Variants in GRIA1 observed in about 807,000 individuals in gnomAD.
GRIA1 encodes glutamate ionotropic receptor AMPA type subunit 1, also known as glutamate receptor 1.
Under a neutral mutation model 99.2 loss-of-function variants are expected in GRIA1, and 31 were observed. That is an observed-to-expected ratio of 0.31 (90% CI 0.23 to 0.42). The LOEUF (loss-of-function observed/expected upper bound fraction) is 0.42, where lower values mean the gene tolerates loss of function less well. Among genes scored for constraint, GRIA1 ranks in the 10% least tolerant of loss-of-function variants. The pLI is 1.00. For missense variants in GRIA1, 782 were observed against 1,157.5 expected (o/e 0.68, Z 4.71); for synonymous variants, 438 against 432.4 (o/e 1.01, Z -0.16).
chr5:153,782,355 G>A (rs1354905573), intron 13 of GRIA1, among the ~76,000 whole-genome samples: 2 of 152,198 alleles, frequency 1.3e-5, no homozygotes, highest in African/African-American at 4.8e-5. Context: ...AGCTGACACT[G>A]AGGATCACAG....
intron 5 of GRIA1, among the ~76,000 whole-genome samples, chr5:153,668,476 C>T (rs1345175474): frequency 1.3e-5 from 2 of 152,126 alleles, no homozygotes; most frequent in Non-Finnish European, 2.9e-5. Context: ...AATTACCATG[C>T]CCAAAAATAT....
intron 8 of GRIA1, among the ~76,000 whole-genome samples, chr5:153,697,671 G>T (rs780431352): frequency 4.6e-5 from 7 of 152,172 alleles, no homozygotes; most frequent in Non-Finnish European, 8.8e-5. Flanking sequence ...TCACTGAAGT[G>T]CAGGGTTAGT....
intron 14 of GRIA1, among the ~76,000 whole-genome samples, chr5:153,801,895 G>C (rs763761292): frequency 8.0e-6 from 1 of 125,574 alleles, no homozygotes; most frequent in African/African-American, 2.8e-5. Context: ...AAAAATGCTC[G>C]GGGACATAAA....
At chr5:153,800,875 C>A (rs1765971851) in intron 14 of GRIA1, among the ~76,000 whole-genome samples, 1 of 152,194 alleles carries the variant, frequency 6.6e-6, no homozygotes, top group Non-Finnish European at 1.5e-5. Flanking sequence ...CCACCCCTTG[C>A]ATGGCTCACC....
At position 153,647,097 on chromosome 5, in the gene GRIA1, G is replaced by T; in HGVS notation, c.390G>T (p.Gln130His). Residue 130 changes from glutamine to histidine, a missense_variant, in exon 3 of 16, where the codon CAG (glutamine) becomes CAT (histidine). Transcript: ENST00000285900. Reference protein sequence around the residue: ...QFVLQLRPELQDALISIIDHY... With the variant: ...QFVLQLRPELHDALISIIDHY... Reference sequence around the variant, plus strand: ...TCCTTCAGCTGCGCCCTGAACTGCAGGATGCCCTCATCAGCATCATTGACC... The same window carrying T: ...TCCTTCAGCTGCGCCCTGAACTGCATGATGCCCTCATCAGCATCATTGACC... 1.9e-6 allele frequency: 3 copies of T among 1,613,820 alleles called. No homozygotes were observed. Among genetic ancestry groups the T allele is most frequent in the Non-Finnish European group, 2.5e-6 (3 of 1,179,886 alleles).
chr5:153,594,813 G>A (rs769879176), intron 2 of GRIA1, among the ~76,000 whole-genome samples: 3 of 151,598 alleles, frequency 2.0e-5, no homozygotes, highest in Non-Finnish European at 4.4e-5. Flanking sequence ...CCAGTCTTCT[G>A]CTTGGCTGAA....
At position 153,805,055 on chromosome 5, in the gene GRIA1, G is replaced by A. The variant is rs12652434; in HGVS notation, c.2520+2565G>A. On this transcript the variant is annotated intron_variant, in intron 15 of 15. Coordinates refer to ENST00000285900, the MANE Select transcript of GRIA1 (RefSeq NM_000827.4). ...GCGTGAGCCACCACACCAGGCCTCTGATCCTCATTTTCTATAAAATGGAGG... is the reference window on the plus strand; with the variant it reads ...GCGTGAGCCACCACACCAGGCCTCTAATCCTCATTTTCTATAAAATGGAGG... 8.2e-3 allele frequency among the ~76,000 whole-genome samples: 1,251 copies of A among 152,218 alleles called. 48 individuals are homozygous for A. The East Asian group carries it at 0.11, about 13-fold the overall frequency.
At position 153,812,144 on chromosome 5, in the gene GRIA1, C is replaced by A. The variant is rs1766858122; in HGVS notation, c.*919C>A. On this transcript the variant is annotated 3_prime_UTR_variant, in exon 16 of 16. Coordinates refer to ENST00000285900, the MANE Select transcript of GRIA1 (RefSeq NM_000827.4). ...AAGGCACTTGGCCTCCTAAACCAAGCAGAATTTTGGGAAGAGATAACAGCC... is the reference window on the plus strand; with the variant it reads ...AAGGCACTTGGCCTCCTAAACCAAGAAGAATTTTGGGAAGAGATAACAGCC... The A allele has an allele frequency of 6.6e-6, 1 of 151,964 alleles. No individual in the cohort carries two copies. The highest frequency in any genetic ancestry group is 6.6e-5 in the Admixed American group (1 of 15,262). 9.4% of individuals were successfully genotyped at this position (151,964 alleles called of 1,614,324 possible).
intron 2 of GRIA1, among the ~76,000 whole-genome samples, chr5:153,500,541 A>G (rs1172806047): frequency 6.6e-6 from 1 of 151,248 alleles, no homozygotes; most frequent in Non-Finnish European, 1.5e-5. Context: ...CTTATAAAGG[A>G]AATAGGCATA....
intron 4 of GRIA1, among the ~76,000 whole-genome samples, chr5:153,653,954 A>G (rs1048971714): frequency 6.6e-6 from 1 of 152,208 alleles, no homozygotes; most frequent in African/African-American, 2.4e-5. Context: ...AAGGCAATGC[A>G]TTGGGAATGA....
At chr5:153,804,732 AATTT>A (rs201693712) in intron 15 of GRIA1, among the ~76,000 whole-genome samples, 3,548 of 76,002 alleles carry the variant, frequency 0.047, 73 homozygotes, top group Admixed American at 0.053. Flanking sequence ...TTAATTAATT[AATTT>A]ATTTATTTAT....
intron 2 of GRIA1, among the ~76,000 whole-genome samples, chr5:153,548,525 T>C (rs1427631048): frequency 1.3e-5 from 2 of 152,140 alleles, no homozygotes; most frequent in African/African-American, 4.8e-5. Context: ...CATATTAGTT[T>C]TCTCTAGATA....
At chr5:153,759,918 T>C (rs1763068050) in intron 11 of GRIA1, among the ~76,000 whole-genome samples, 1 of 151,984 alleles carries the variant, frequency 6.6e-6, no homozygotes, top group South Asian at 2.1e-4. Flanking sequence ...ACATGATACA[T>C]CCCATTAATA....
intron 2 of GRIA1, among the ~76,000 whole-genome samples, chr5:153,619,176 AG>A (rs1334294344): frequency 3.3e-5 from 5 of 152,306 alleles, no homozygotes. Context: ...ATTTAATGAA[AG>A]AAAGTGTCTC....
chr5:153,620,977 G>A (rs941544499), intron 2 of GRIA1, among the ~76,000 whole-genome samples: 3 of 152,146 alleles, frequency 2.0e-5, no homozygotes, highest in Non-Finnish European at 2.9e-5. Flanking sequence ...ATATAGCTTT[G>A]TTATGCTTCC....
At chr5:153,742,036 A>C (rs1177602913) in intron 11 of GRIA1, among the ~76,000 whole-genome samples, 1 of 152,154 alleles carries the variant, frequency 6.6e-6, no homozygotes, top group Non-Finnish European at 1.5e-5. Flanking sequence ...ATATCACAGC[A>C]TACAGAATTT....
At chr5:153,503,852 C>G (rs1755235548) in intron 2 of GRIA1, among the ~76,000 whole-genome samples, 1 of 152,164 alleles carries the variant, frequency 6.6e-6, no homozygotes. Context: ...TCAGGTATAG[C>G]CAAATTCAAG....
intron 2 of GRIA1, among the ~76,000 whole-genome samples, chr5:153,629,792 G>T (rs75274261): frequency 0.18 from 27,030 of 152,186 alleles, 2,820 homozygotes; most frequent in Non-Finnish European, 0.24. Flanking sequence ...TTCTACTGCA[G>T]AATTTATTTC....
chr5:153,645,905 A>G (rs1754115959), intron 2 of GRIA1, among the ~76,000 whole-genome samples: 1 of 152,244 alleles, frequency 6.6e-6, no homozygotes, highest in African/African-American at 2.4e-5. Context: ...TACTGTTTTC[A>G]TGACAAGGAT....
Sources: allele counts gnomAD v4.1 joint callset (sites outside exome capture counted in the v4.1 genomes callset), GRCh38; gene constraint gnomAD v4.1.1; transcripts MANE v1.5; gene names NCBI Gene and HGNC (gene_info 2026-07-23, HGNC 2026-07-21).